Variants in HERC1 observed in about 807,000 individuals in gnomAD.
HERC1 encodes HECT and RLD domain containing E3 ubiquitin protein ligase family member 1.
Under a neutral mutation model 554.3 loss-of-function variants are expected in HERC1, and 160 were observed. The ratio of observed to expected loss-of-function variants is 0.29; its 90% CI spans 0.25 to 0.33. HERC1 has a LOEUF of 0.33. Ranked by LOEUF, HERC1 falls within the 10% of genes least tolerant of loss-of-function variation. HERC1 has a pLI of 1.00. For missense variants in HERC1, 4,919 were observed against 5,918.5 expected, an observed-to-expected ratio of 0.83 and a Z score of 5.54; for synonymous variants, 2,175 against 2,131.7, an observed-to-expected ratio of 1.02 and a Z score of -0.56.
At chr15:63,667,934 C>T (rs1038740221) in intron 40 of HERC1, among the ~76,000 whole-genome samples, 2 of 152,128 alleles carry the variant, frequency 1.3e-5, no homozygotes, top group East Asian at 3.8e-4. Flanking sequence ...TGATCCACTT[C>T]CACTTAATGA....
In HERC1 at chr15:63,754,490, T is replaced by C. The variant is rs757016729; in HGVS notation, c.1774+15A>G. On this transcript the variant is annotated intron_variant, in intron 7 of 77. Coordinates refer to ENST00000443617, the MANE Select transcript of HERC1 (RefSeq NM_003922.4). ...GAAAAAAGCCAAAGCTACTGATAAA[T>C]AATTTTTTACATACCATTGTCTCCT... 7.7e-6 allele frequency: 12 copies of C among 1,552,066 alleles called. No individual in the cohort carries two copies. The highest frequency in any genetic ancestry group is 1.0e-5 in the Non-Finnish European group (12 of 1,151,786).
intron 74 of HERC1, among the ~76,000 whole-genome samples, chr15:63,621,089 C>T (rs1237552907): frequency 2.0e-5 from 3 of 151,828 alleles, no homozygotes; most frequent in Admixed American, 6.6e-5. Context: ...TTCCTAGCCT[C>T]GATGGTCTTT....
At chr15:63,738,279 T>C (rs1269949245) in intron 12 of HERC1, among the ~76,000 whole-genome samples, 3 of 152,156 alleles carry the variant, frequency 2.0e-5, no homozygotes, top group Non-Finnish European at 2.9e-5. Flanking sequence ...TAAGGAATTG[T>C]TGCAGGACAC....
At chr15:63,704,867 T>G (rs1485212627) in intron 25 of HERC1, among the ~76,000 whole-genome samples, 11 of 150,792 alleles carry the variant, frequency 7.3e-5, no homozygotes, top group African/African-American at 2.7e-4. Context: ...GCCTCCCGAA[T>G]AGCCAGGACT....
intron 1 of HERC1, among the ~76,000 whole-genome samples, chr15:63,794,525 A>G (rs1004323592): frequency 5.3e-5 from 8 of 152,172 alleles, no homozygotes; most frequent in Non-Finnish European, 5.9e-5. Flanking sequence ...GACCAGCCCC[A>G]ATCCTGAAGC....
rs186034757 is a variant in HERC1, at chr15:63,824,634, A to C, written c.-27+9193T>G. On this transcript the variant is annotated intron_variant, in intron 1 of 77. Coordinates refer to ENST00000443617, the MANE Select transcript of HERC1 (RefSeq NM_003922.4). ...AATAAAAGCAGCACCTCTGAGAGAG[A>C]GCTGCACTCCCATGTTCACTGCAGC... Among the ~76,000 whole-genome samples, 171 of 152,268 alleles carry C rather than the reference A, an allele frequency of 1.1e-3. 1 individual carries two copies. The highest frequency in any genetic ancestry group is 4.1e-3 in the African/African-American group (169 of 41,554).
chr15:63,639,461 T>C (rs575977795), intron 61 of HERC1, among the ~76,000 whole-genome samples: 200 of 152,302 alleles, frequency 1.3e-3, no homozygotes, highest in African/African-American at 4.7e-3. Flanking sequence ...CTCTATGATA[T>C]TCCCAGCGTC....
At position 63,643,100 on chromosome 15, in the gene HERC1, A is replaced by G. The variant is rs2069152846; in HGVS notation, c.11332-42T>C. The G allele has an allele frequency of 5.0e-6, 6 of 1,191,252 alleles. No homozygotes were observed. The South Asian group carries it at 6.4e-5, about 13-fold the overall frequency. 73.8% of individuals were successfully genotyped at this position (1,191,252 alleles called of 1,614,324 possible). A position where few individuals can be genotyped will look rare whatever the true frequency, so the allele number is the denominator to read the frequency against. ...TTACCAATACACACCATTGAACTGT[A>G]GGTATAATTTACATTTAAATTTCTA... On this transcript the variant is annotated intron_variant, in intron 58 of 77. Transcript: ENST00000443617.
intron 1 of HERC1, among the ~76,000 whole-genome samples, chr15:63,815,372 A>G (rs1206263435): frequency 2.0e-5 from 3 of 152,238 alleles, no homozygotes; most frequent in South Asian, 2.1e-4. Context: ...TAACTCTGCA[A>G]TGTAACCTTG....
intron 19 of HERC1, among the ~76,000 whole-genome samples, chr15:63,721,178 A>G (rs865930786): frequency 9.9e-5 from 15 of 152,276 alleles, no homozygotes; most frequent in Middle Eastern, 3.4e-3. Flanking sequence ...CCTCATTACT[A>G]TTTCACCTCT....
chr15:63,626,102 A>G lies in HERC1; in HGVS notation c.13158T>C (p.Tyr4386=), dbSNP rs1447115474. ...GAATGCTGACTTCTCTCAGCGCCCC[A>G]TACTGGGGGGGCACTGTGTCAGGCA... The part of the protein sequence containing the change: ...LGLPDTVPPQ[Y]GALREVSIHT... The change falls in exon 71 of 78, where the codon TAT becomes TAC. Residue 4386 remains tyrosine, a synonymous_variant. Coordinates refer to ENST00000443617, the MANE Select transcript of HERC1 (RefSeq NM_003922.4). The G allele has an allele frequency of 6.2e-7, 1 of 1,613,822 alleles. No individual in the cohort carries two copies. The highest frequency in any genetic ancestry group is 2.2e-5 in the East Asian group (1 of 44,878).
At chr15:63,792,540 T>C (rs2076683507) in intron 1 of HERC1, among the ~76,000 whole-genome samples, 2 of 152,208 alleles carry the variant, frequency 1.3e-5, no homozygotes, top group African/African-American at 4.8e-5. Flanking sequence ...AGCAAGAAAT[T>C]ACTTTAAACT....
rs185919233 is a variant in HERC1, at chr15:63,793,669, C to G, written c.-26-18020G>C. The stretch of plus-strand genomic sequence containing the variant: ...TACTTTCTTAATAAACTCACTTTCA[C>G]TTTACTCTGTGGACTCGCCCTGAAT... On this transcript the variant is annotated intron_variant, in intron 1 of 77. Transcript: ENST00000443617. 2.0e-5 allele frequency among the ~76,000 whole-genome samples: 3 copies of G among 152,326 alleles called. No homozygotes were observed. The East Asian group carries it at 5.8e-4, about 29-fold the overall frequency.
At chr15:63,723,507 G>C (rs1214554117) in intron 18 of HERC1, among the ~76,000 whole-genome samples, 152 bp from the exon 19 acceptor site, 2 of 152,116 alleles carry the variant, frequency 1.3e-5, no homozygotes, top group Non-Finnish European at 1.5e-5. Flanking sequence ...ATGTTTTTCA[G>C]TTGGAGGTAG....
chr15:63,806,165 G>GA lies in HERC1; in HGVS notation c.-27+27661_-27+27662insT, dbSNP rs1555449895. On this transcript the variant is annotated intron_variant, in intron 1 of 77. Transcript: ENST00000443617. Reference sequence around the variant, plus strand: ...TGAGCATTTCTGCAGAACACAAGTGGTTTTTTTTTTTTCTCTTTGAGATAG... The same window carrying GA: ...TGAGCATTTCTGCAGAACACAAGTGGATTTTTTTTTTTTCTCTTTGAGATAG... 2.1e-5 allele frequency among the ~76,000 whole-genome samples: 3 copies of GA among 145,366 alleles called. No individual in the cohort carries two copies. In the East Asian group the frequency reaches 6.0e-4, roughly 29 times the overall value.
intron 1 of HERC1, among the ~76,000 whole-genome samples, chr15:63,828,845 T>TTCCAAAA (rs1179084380): frequency 1.3e-5 from 2 of 152,152 alleles, no homozygotes; most frequent in African/African-American, 4.8e-5. Flanking sequence ...CTAACCTAAG[T>TTCCAAAA]AACTTTGGAA....
intron 1 of HERC1, among the ~76,000 whole-genome samples, chr15:63,813,103 T>C (rs1356267124): frequency 6.6e-6 from 1 of 152,228 alleles, no homozygotes; most frequent in Admixed American, 6.5e-5. Context: ...AAAGAAGATT[T>C]TCAAAATAAG....
chr15:63,803,585 G>T (rs1055850752), intron 1 of HERC1, among the ~76,000 whole-genome samples: 6 of 152,122 alleles, frequency 3.9e-5, no homozygotes, highest in African/African-American at 1.4e-4. Flanking sequence ...AACACGCCCA[G>T]CCCCATACTA....
intron 1 of HERC1, among the ~76,000 whole-genome samples, chr15:63,803,385 C>T (rs554955501): frequency 4.5e-4 from 69 of 152,098 alleles, no homozygotes; most frequent in Admixed American, 1.0e-3. Context: ...AATCATGCTG[C>T]TTCTTATCAA....
Sources: gnomAD v4.1 joint callset for allele counts (sites outside exome capture counted in the v4.1 genomes callset) on GRCh38, gnomAD v4.1.1 for gene constraint, MANE v1.5 for transcripts, NCBI Gene and HGNC (gene_info 2026-07-23, HGNC 2026-07-21) for gene names.